SLC35A1: variants seen among roughly 807,000 people sequenced by gnomAD.
SLC35A1 encodes CMP-sialic acid transporter.
Under a neutral mutation model 40.3 loss-of-function variants are expected in SLC35A1, and 21 were observed. The ratio of observed to expected loss-of-function variants is 0.52; its 90% CI spans 0.37 to 0.75. The LOEUF (loss-of-function observed/expected upper bound fraction) is 0.75. SLC35A1 is among the 30% of genes least tolerant of loss of function. The pLI, the probability that SLC35A1 is intolerant of heterozygous loss-of-function variation, is 0.00. For missense variants in SLC35A1, 297 were observed against 382.1 expected (o/e 0.78, Z 1.86); for synonymous variants, 146 against 147.3 (o/e 0.99, Z 0.06).
At chr6:87,502,303 G>A (rs138624184) in intron 4 of SLC35A1, among the ~76,000 whole-genome samples, 2 of 152,048 alleles carry the variant, frequency 1.3e-5, no homozygotes, top group African/African-American at 2.4e-5. Context: ...TAAGTAATAC[G>A]AGGCACAGTT....
intron 1 of SLC35A1, among the ~76,000 whole-genome samples, chr6:87,474,620 A>T (rs1358192747): frequency 6.6e-6 from 1 of 152,198 alleles, no homozygotes; most frequent in African/African-American, 2.4e-5. Context: ...TAATAACTGA[A>T]GTTTTATACT....
intron 2 of SLC35A1, among the ~76,000 whole-genome samples, chr6:87,491,798 G>GGA (rs1345265758): frequency 6.6e-6 from 1 of 152,112 alleles, no homozygotes; most frequent in South Asian, 2.1e-4. Flanking sequence ...TTCATGTGAT[G>GGA]GAGAGAGAGA....
chr6:87,502,018 T>G (rs1769936015), intron 4 of SLC35A1, among the ~76,000 whole-genome samples: 1 of 152,130 alleles, frequency 6.6e-6, no homozygotes, highest in South Asian at 2.1e-4. Context: ...AGTTGAATAT[T>G]TACTCTAACT....
chr6:87,486,172 T>G (rs1004100911), intron 2 of SLC35A1, among the ~76,000 whole-genome samples: 6 of 152,210 alleles, frequency 3.9e-5, no homozygotes, highest in African/African-American at 1.4e-4. Flanking sequence ...TCAGTAATGT[T>G]CTTTGCTTAG....
At chr6:87,504,397 A>G (rs1270285454) in intron 4 of SLC35A1, among the ~76,000 whole-genome samples, 1 of 152,048 alleles carries the variant, frequency 6.6e-6, no homozygotes, top group Non-Finnish European at 1.5e-5. Context: ...GGTGATCTGT[A>G]CTTCGGCTTT....
At chr6:87,482,213 T>C (rs1447471099) in intron 2 of SLC35A1, among the ~76,000 whole-genome samples, 2 of 152,202 alleles carry the variant, frequency 1.3e-5, no homozygotes, top group Non-Finnish European at 2.9e-5. Flanking sequence ...ATTTACCATA[T>C]AACATTCTTT....
At chr6:87,485,139 G>T (rs762104379) in intron 2 of SLC35A1, among the ~76,000 whole-genome samples, 1 of 152,154 alleles carries the variant, frequency 6.6e-6, no homozygotes, top group Non-Finnish European at 1.5e-5. Flanking sequence ...TGTTTTATTT[G>T]CTGTGATGGA....
At chr6:87,483,661 C>T (rs1482384384) in intron 2 of SLC35A1, among the ~76,000 whole-genome samples, 1 of 152,062 alleles carries the variant, frequency 6.6e-6, no homozygotes, top group African/African-American at 2.4e-5. Flanking sequence ...CCGTGGAAGG[C>T]TCAACCCCTC....
chr6:87,508,464 T>C lies in SLC35A1; in HGVS notation c.619T>C (p.Trp207Arg), dbSNP rs1383109166. The C allele has an allele frequency of 6.2e-7, 1 of 1,611,892 alleles. No individual in the cohort carries two copies. The highest frequency in any genetic ancestry group is 1.7e-5 in the Admixed American group (1 of 59,996). The change falls in exon 6 of 8, where the codon TGG becomes CGG. Residue 207 changes from tryptophan to arginine, a missense_variant. Physicochemically the swap from Trp to Arg is moderately radical, Grantham distance 101. Coordinates refer to ENST00000369552, the MANE Select transcript of SLC35A1 (RefSeq NM_006416.5). The stretch of plus-strand genomic sequence containing the variant: ...TTTAAAGAGTTCAGATACTTCTCTT[T>C]GGGTGAGAAACATTCAAATGTATCT... ...KVLKSSDTSL[W>R]VRNIQMYLSG... is the part of the protein sequence containing the mutation.
At chr6:87,498,634 A>G (rs764922342) in intron 2 of SLC35A1, among the ~76,000 whole-genome samples, 1 of 152,000 alleles carries the variant, frequency 6.6e-6, no homozygotes, top group Non-Finnish European at 1.5e-5. Context: ...AGCCGGGCGT[A>G]GTGGCCTGTG....
chr6:87,508,822 T>G (rs1770167259), intron 6 of SLC35A1, among the ~76,000 whole-genome samples: 1 of 152,156 alleles, frequency 6.6e-6, no homozygotes, highest in Non-Finnish European at 1.5e-5. Flanking sequence ...TGTGTAAAAT[T>G]TAATAGACCA....
chr6:87,494,271 C>G (rs959774811), intron 2 of SLC35A1, among the ~76,000 whole-genome samples: 1 of 152,060 alleles, frequency 6.6e-6, no homozygotes, highest in Non-Finnish European at 1.5e-5. Flanking sequence ...TATCTTTGTA[C>G]ATACACTGTT....
chr6:87,497,894 GTTTTT>G (rs11304517), intron 2 of SLC35A1, among the ~76,000 whole-genome samples: 1 of 142,986 alleles, frequency 7.0e-6, no homozygotes, highest in African/African-American at 2.6e-5. Context: ...ACTCCTGGCA[GTTTTT>G]TTTTTTTTTT....
chr6:87,508,762 A>G (rs1454281907), intron 6 of SLC35A1, 166 bp downstream of exon 6: 1 of 789,682 alleles, frequency 1.3e-6, no homozygotes, highest in African/African-American at 1.8e-5. Flanking sequence ...TGTGAAGGCA[A>G]AATTGCTTTG....
chr6:87,506,516 GTC>G lies in SLC35A1; in HGVS notation c.574+70_574+71del, dbSNP rs1770088117. On this transcript the variant is annotated intron_variant, in intron 5 of 7. Transcript: ENST00000369552. ...CGAAAACATCAAACTTTAGACACCA[GTC>G]TAGTTTATCTTGCTTTCTCAGTTTT... is the stretch of plus-strand genomic sequence containing the variant. 1.1e-5 allele frequency: 13 copies of G among 1,218,504 alleles called. 1 individual carries two copies. The South Asian group carries it at 1.6e-4, about 15-fold the overall frequency. The allele number at this position is 1,218,504 out of a possible 1,614,324, so 75.5% of individuals were successfully genotyped here.
At chr6:87,484,495 C>T (rs986946421) in intron 2 of SLC35A1, among the ~76,000 whole-genome samples, 1 of 152,216 alleles carries the variant, frequency 6.6e-6, no homozygotes, top group African/African-American at 2.4e-5. Flanking sequence ...GTGGCCCCTG[C>T]TGCTGTGTCA....
chr6:87,505,474 CAG>C (rs1039781479), intron 4 of SLC35A1, among the ~76,000 whole-genome samples: 14 of 152,250 alleles, frequency 9.2e-5, no homozygotes, highest in African/African-American at 3.1e-4. Flanking sequence ...CTATACATAA[CAG>C]AGCTGTGTAT....
At chr6:87,481,430 A>G (rs1318235008) in intron 2 of SLC35A1, among the ~76,000 whole-genome samples, 1 of 150,092 alleles carries the variant, frequency 6.7e-6, no homozygotes, top group East Asian at 2.0e-4. Flanking sequence ...AAAAAAAAAA[A>G]AAAATTGGGG....
chr6:87,488,275 C>T (rs1769444664), intron 2 of SLC35A1, among the ~76,000 whole-genome samples: 1 of 152,032 alleles, frequency 6.6e-6, no homozygotes, highest in African/African-American at 2.4e-5. Context: ...AAACAATGAT[C>T]GTGTAAAAAC....
Sources: gnomAD v4.1 joint callset for allele counts (sites outside exome capture counted in the v4.1 genomes callset) on GRCh38, gnomAD v4.1.1 for gene constraint, MANE v1.5 for transcripts, NCBI Gene and HGNC (gene_info 2026-07-23, HGNC 2026-07-21) for gene names.